DCUN1D1: variants seen among roughly 807,000 people sequenced by gnomAD.
DCUN1D1 encodes the protein DCN1-like protein 1.
DCUN1D1 carries 3 observed loss-of-function variants against 39.0 expected under a neutral mutation model. That is an observed-to-expected ratio of 0.08 (90% CI 0.04 to 0.20). DCUN1D1 has a LOEUF of 0.20. DCUN1D1 is among the 10% of genes least tolerant of loss of function. The pLI is 1.00. For synonymous variants in DCUN1D1, 82 were observed against 96.3 expected, an observed-to-expected ratio of 0.85 and a Z score of 0.87; for missense variants, 158 against 302.4, an observed-to-expected ratio of 0.52 and a Z score of 3.54.
chr3:182,939,955 A>G lies in DCUN1D1; in HGVS notation c.*5139T>C, dbSNP rs1726064988. The G allele has an allele frequency of 6.6e-6, 1 of 152,220 alleles. No homozygotes were observed. The highest frequency in any genetic ancestry group is 1.5e-5 in the Non-Finnish European group (1 of 68,040). The allele number at this position is 152,220 out of a possible 1,614,324, so 9.4% of individuals were successfully genotyped here. Reference sequence around the variant, plus strand: ...ACACAACGAAGTCTAATATACTATTAGGATTAAGAACATTAGCATTTGCTT... The same window carrying G: ...ACACAACGAAGTCTAATATACTATTGGGATTAAGAACATTAGCATTTGCTT... On this transcript the variant is annotated 3_prime_UTR_variant, in exon 7 of 7. Coordinates refer to ENST00000292782, the MANE Select transcript of DCUN1D1 (RefSeq NM_020640.4).
chr3:182,980,848 GCGGTTCCTTCCGGACGACCA>G (rs1728517265), upstream of DCUN1D1: 1 of 150,474 alleles, frequency 6.6e-6, no homozygotes, highest in African/African-American at 2.5e-5. Flanking sequence ...CGTTTCCTAC[GCGGTTCCTTCCGGACGACCA>G]CGGCCGGGTC....
intron 1 of DCUN1D1, among the ~76,000 whole-genome samples, chr3:182,973,848 A>G (rs1481951134): frequency 6.6e-6 from 1 of 152,168 alleles, no homozygotes; most frequent in African/African-American, 2.4e-5. Context: ...GTAAGATTCA[A>G]ATAGATTTTG....
chr3:182,945,934 A>AC (rs1726375174), intron 6 of DCUN1D1, among the ~76,000 whole-genome samples: 1 of 152,192 alleles, frequency 6.6e-6, no homozygotes, highest in Non-Finnish European at 1.5e-5. Context: ...AAGATTATAA[A>AC]CGACAACGAA....
intron 1 of DCUN1D1, among the ~76,000 whole-genome samples, chr3:182,975,435 C>A (rs113268024): frequency 1.3e-5 from 2 of 151,882 alleles, no homozygotes; most frequent in African/African-American, 4.8e-5. Flanking sequence ...CTCAGCCCCC[C>A]GAAGTACTGG....
chr3:182,971,099 T>C (rs1727912915), intron 1 of DCUN1D1, among the ~76,000 whole-genome samples: 1 of 152,244 alleles, frequency 6.6e-6, no homozygotes, highest in Non-Finnish European at 1.5e-5. Flanking sequence ...ACTGTCAAGA[T>C]TTTAACTCTA....
chr3:182,948,638 TAA>T (rs1726542104), intron 4 of DCUN1D1, among the ~76,000 whole-genome samples: 2 of 152,234 alleles, frequency 1.3e-5, no homozygotes, highest in African/African-American at 4.8e-5. Context: ...AATTACATCC[TAA>T]GTAACTTAAA....
intron 4 of DCUN1D1, among the ~76,000 whole-genome samples, chr3:182,957,249 CAG>C (rs1256789470): frequency 6.6e-6 from 1 of 152,206 alleles, no homozygotes; most frequent in African/African-American, 2.4e-5. Context: ...GAATGAGCAT[CAG>C]GTAAGGATGC....
intron 4 of DCUN1D1, among the ~76,000 whole-genome samples, chr3:182,951,401 G>T (rs1490714420): frequency 6.6e-6 from 1 of 151,920 alleles, no homozygotes; most frequent in African/African-American, 2.4e-5. Context: ...TTTGACAAAA[G>T]TAAAAGTTCA....
At chr3:182,982,229 C>A (rs539824165), upstream of DCUN1D1, among the ~76,000 whole-genome samples, 1 of 152,316 alleles carries the variant, frequency 6.6e-6, no homozygotes, top group African/African-American at 2.4e-5. Flanking sequence ...CCTGCATCTC[C>A]TCTTTACTCT....
upstream of DCUN1D1, among the ~76,000 whole-genome samples, chr3:182,983,117 C>G (rs1447210228): frequency 1.3e-5 from 2 of 152,182 alleles, no homozygotes; most frequent in East Asian, 3.8e-4. Context: ...AAGTTCTCTC[C>G]TCTGATCTAT....
chr3:182,942,363 T>C lies in DCUN1D1; in HGVS notation c.*2731A>G, dbSNP rs1258952412. Reference sequence around the variant, plus strand: ...ATACACTGAAATATGTGAAAAGATTTAGTCATGGCAATTTCACTGCAGCTT... The same window carrying C: ...ATACACTGAAATATGTGAAAAGATTCAGTCATGGCAATTTCACTGCAGCTT... On this transcript the variant is annotated 3_prime_UTR_variant, in exon 7 of 7. Coordinates refer to ENST00000292782, the MANE Select transcript of DCUN1D1 (RefSeq NM_020640.4). 2.0e-5 allele frequency: 3 copies of C among 152,188 alleles called. No homozygotes were observed. The highest frequency in any genetic ancestry group is 7.2e-5 in the African/African-American group (3 of 41,466). The allele number at this position is 152,188 out of a possible 1,614,324, so 9.4% of individuals were successfully genotyped here.
chr3:182,965,806 A>C lies in DCUN1D1; in HGVS notation c.4-53T>G, dbSNP rs1727638206. Reference sequence around the variant, plus strand: ...CTCTATGTAAAATCACATAAGACTAAATATTTCTATATGGCTAACTAAACA... The same window carrying C: ...CTCTATGTAAAATCACATAAGACTACATATTTCTATATGGCTAACTAAACA... On this transcript the variant is annotated intron_variant, in intron 1 of 6. Transcript: ENST00000292782. The C allele has an allele frequency of 4.1e-6, 5 of 1,209,106 alleles. No homozygotes were observed. In the East Asian group the frequency reaches 1.2e-4, roughly 28 times the overall value. The allele number at this position is 1,209,106 out of a possible 1,614,324, so 74.9% of individuals were successfully genotyped here.
At chr3:182,983,492 G>A (rs1235964753), upstream of DCUN1D1, among the ~76,000 whole-genome samples, 1 of 152,190 alleles carries the variant, frequency 6.6e-6, no homozygotes, top group African/African-American at 2.4e-5. Context: ...AAGGCGGGCA[G>A]ATAACTTAAG....
intron 4 of DCUN1D1, among the ~76,000 whole-genome samples, chr3:182,958,343 C>T (rs1727203720): frequency 3.3e-5 from 5 of 151,874 alleles, no homozygotes; most frequent in Admixed American, 2.6e-4. Flanking sequence ...TTTCCATATA[C>T]CCTCTTCCCT....
chr3:182,971,523 T>C (rs558583239), intron 1 of DCUN1D1, among the ~76,000 whole-genome samples: 2 of 150,262 alleles, frequency 1.3e-5, no homozygotes, highest in South Asian at 2.1e-4. Flanking sequence ...CAGTGAGCTA[T>C]GATGGCACCA....
At chr3:182,952,399 T>C (rs1325255676) in intron 4 of DCUN1D1, among the ~76,000 whole-genome samples, 2 of 151,908 alleles carry the variant, frequency 1.3e-5, no homozygotes, top group African/African-American at 2.4e-5. Flanking sequence ...TTTCATGTTA[T>C]ACATTCAACC....
chr3:182,976,885 A>C (rs1338727728), intron 1 of DCUN1D1, among the ~76,000 whole-genome samples: 1 of 152,244 alleles, frequency 6.6e-6, no homozygotes, highest in Non-Finnish European at 1.5e-5. Context: ...ACATGCAAAG[A>C]ATGTGCAACA....
rs992049905 is a variant in DCUN1D1, at chr3:182,940,416, T to G, written c.*4678A>C. On this transcript the variant is annotated 3_prime_UTR_variant, in exon 7 of 7. Transcript: ENST00000292782. Reference sequence around the variant, plus strand: ...TTCCAATCAGGCTTTGTTTTTACGATGTGGGTTGAAAATTCTTCTTTTCAA... The same window carrying G: ...TTCCAATCAGGCTTTGTTTTTACGAGGTGGGTTGAAAATTCTTCTTTTCAA... 5 of 152,194 alleles carry G rather than the reference T, an allele frequency of 3.3e-5. No individual in the cohort carries two copies. The highest frequency in any genetic ancestry group is 1.2e-4 in the African/African-American group (5 of 41,456). The allele number at this position is 152,194 out of a possible 1,614,324, so 9.4% of individuals were successfully genotyped here.
rs970653089 is a variant in DCUN1D1, at chr3:182,941,683, A to G, written c.*3411T>C. On this transcript the variant is annotated 3_prime_UTR_variant, in exon 7 of 7. Transcript: ENST00000292782. ...AACATTAAAACTGCTGAGGTGCCAG[A>G]TAAGTATTTTCTGTTAAATATACAC... 1.8e-4 allele frequency: 28 copies of G among 152,160 alleles called. No individual in the cohort carries two copies. Among genetic ancestry groups the G allele is most frequent in the Admixed American group, 3.9e-4 (6 of 15,252 alleles). The allele number at this position is 152,160 out of a possible 1,614,324, so 9.4% of individuals were successfully genotyped here.
Sources: allele counts gnomAD v4.1 joint callset (sites outside exome capture counted in the v4.1 genomes callset), GRCh38; gene constraint gnomAD v4.1.1; transcripts MANE v1.5; gene names NCBI Gene and HGNC (gene_info 2026-07-23, HGNC 2026-07-21).